SCAI: variants seen among roughly 807,000 people sequenced by gnomAD.
SCAI encodes protein SCAI.
In SCAI, 24 loss-of-function variants were observed where a neutral mutation model predicts 92.2. The ratio of observed to expected loss-of-function variants is 0.26; its 90% confidence interval spans 0.19 to 0.37. SCAI has a LOEUF of 0.37. SCAI is among the 10% of genes least tolerant of loss of function. The pLI is 1.00. For missense variants in SCAI, 450 were observed against 736.2 expected (o/e 0.61, Z 4.50); for synonymous variants, 261 against 258.6 (o/e 1.01, Z -0.09).
chr9:125,139,679 G>A (rs1406238537), intron 2 of SCAI, among the ~76,000 whole-genome samples: 1 of 152,160 alleles, frequency 6.6e-6, no homozygotes, highest in Non-Finnish European at 1.5e-5. Context: ...TAGGCTAAAA[G>A]TCTGAATGAT....
At chr9:125,137,594 A>G (rs1835567766) in intron 2 of SCAI, among the ~76,000 whole-genome samples, 1 of 152,102 alleles carries the variant, frequency 6.6e-6, no homozygotes, top group Non-Finnish European at 1.5e-5. Flanking sequence ...GAGAAGTATA[A>G]GAAGCAATCT....
At chr9:125,107,119 A>G (rs1380378957) in intron 2 of SCAI, among the ~76,000 whole-genome samples, 1 of 152,064 alleles carries the variant, frequency 6.6e-6, no homozygotes, top group Non-Finnish European at 1.5e-5. Context: ...CTAGAAAAAT[A>G]AATACAACAG....
Position 125,029,628 on chromosome 9 carries a change from T to G in SCAI, c.326+16A>C. The G allele has an allele frequency of 1.3e-6, 2 of 1,560,872 alleles. No individual in the cohort carries two copies. The highest frequency in any genetic ancestry group is 1.8e-6 in the Non-Finnish European group (2 of 1,133,180). On this transcript the variant is annotated intron_variant, in intron 4 of 17. Transcript: ENST00000336505. The stretch of plus-strand genomic sequence containing the variant: ...AAACAGGCCTTCACTCTCCTTTAAC[T>G]ATAAAATTCATTTACCGATGCTGCT...
rs780636989 is a variant in SCAI at position 124,999,923 on chromosome 9, G to A, written c.1212C>T (p.His404=). The A allele has an allele frequency of 4.4e-6, 7 of 1,593,708 alleles. No homozygotes were observed. The highest frequency in any genetic ancestry group is 1.1e-5 in the South Asian group (1 of 89,016). The part of the protein sequence containing the change: ...NRDIINGDAI[H]KRNQSHKEMH... ...TTTCCTTGTGGGACTGATTTCGTTT[G>A]TGGATGGCATCTCCATTAATAATAT... The change falls in exon 13 of 18, where the codon CAC becomes CAT. Residue 404 remains histidine, a synonymous_variant. Transcript: ENST00000336505.
At chr9:125,066,380 C>T (rs1833867337) in intron 2 of SCAI, among the ~76,000 whole-genome samples, 1 of 152,170 alleles carries the variant, frequency 6.6e-6, no homozygotes, top group Non-Finnish European at 1.5e-5. Context: ...CCCAAAGCAA[C>T]TTCCAGTCCT....
chr9:125,087,376 C>G (rs930855411), intron 2 of SCAI, among the ~76,000 whole-genome samples: 1 of 152,134 alleles, frequency 6.6e-6, no homozygotes. Context: ...TTGGTCCTTG[C>G]CCTCAAGAAG....
At chr9:124,975,215 CAT>C (rs1158608464) in intron 15 of SCAI, 6 of 371,304 alleles carry the variant, frequency 1.6e-5, no homozygotes, top group Non-Finnish European at 2.7e-5. Context: ...AATATTTCTA[CAT>C]GTTTTTCCCT....
intron 14 of SCAI, among the ~76,000 whole-genome samples, chr9:124,985,543 T>G (rs1831972290): frequency 6.6e-6 from 1 of 152,108 alleles, no homozygotes; most frequent in Admixed American, 6.6e-5. Flanking sequence ...GCAAAGGATG[T>G]CTCAAACAGC....
chr9:125,067,469 G>A (rs773090846), intron 2 of SCAI, among the ~76,000 whole-genome samples: 4 of 152,084 alleles, frequency 2.6e-5, no homozygotes, highest in East Asian at 1.9e-4. Context: ...ACGTGAAGAC[G>A]GAGGCAGAGA....
chr9:124,979,089 G>A (rs1410897054), intron 14 of SCAI, among the ~76,000 whole-genome samples: 2 of 151,768 alleles, frequency 1.3e-5, no homozygotes, highest in Non-Finnish European at 2.9e-5. Context: ...TTGAACTCCT[G>A]ACCTCAAGTG....
intron 14 of SCAI, among the ~76,000 whole-genome samples, chr9:124,988,200 A>G (rs1650939709): frequency 6.6e-6 from 1 of 152,060 alleles, no homozygotes; most frequent in Non-Finnish European, 1.5e-5. Flanking sequence ...ACCTAAAGAT[A>G]CTGGCATTAG....
Position 125,143,494 on chromosome 9 carries a change from G to A in SCAI, c.-57C>T. The A allele has an allele frequency of 7.7e-7, 1 of 1,301,568 alleles. No individual in the cohort carries two copies. Among genetic ancestry groups the A allele is most frequent in the Non-Finnish European group, 9.8e-7 (1 of 1,022,098 alleles). 80.6% of individuals were successfully genotyped at this position (1,301,568 alleles called of 1,614,324 possible). ...GGCGGCCGCAGGGCTCGCTCGGGAA[G>A]CTGAGGCGGCGGAGGCTGGAGTAGG... On this transcript the variant is annotated 5_prime_UTR_variant, in exon 1 of 18. Transcript: ENST00000336505.
intron 7 of SCAI, among the ~76,000 whole-genome samples, chr9:125,020,178 A>G (rs1474387710): frequency 6.6e-6 from 1 of 152,168 alleles, no homozygotes; most frequent in Non-Finnish European, 1.5e-5. Context: ...TTGAATACAG[A>G]ATGCAATCAG....
chr9:124,990,123 A>G (rs10760385), intron 14 of SCAI, among the ~76,000 whole-genome samples: 94,149 of 151,880 alleles, frequency 0.62, 29,499 homozygotes, highest in Admixed American at 0.66. Context: ...ACAGTGAGCC[A>G]AGATCACGCC....
rs561262880 is a variant in SCAI at position 124,985,083 on chromosome 9, G to A, written c.1327-8897C>T. On this transcript the variant is annotated intron_variant, in intron 14 of 17. Transcript: ENST00000336505. ...GGGAATCTAATAGAAAACTCGCCCT[G>A]CATTAAACTGGAATCCTCAGGGCTA... 3.9e-5 allele frequency among the ~76,000 whole-genome samples: 6 copies of A among 152,250 alleles called. No homozygotes were observed. The East Asian group carries it at 1.2e-3, about 29-fold the overall frequency.
intron 2 of SCAI, among the ~76,000 whole-genome samples, chr9:125,106,019 C>T (rs912904432): frequency 7.0e-6 from 1 of 142,678 alleles, no homozygotes; most frequent in Non-Finnish European, 1.5e-5. Context: ...ATCACCTGAA[C>T]CCAGCAAGCG....
In SCAI at chr9:124,950,005, A is replaced by AT. The variant is rs1392538140; in HGVS notation, c.*2801dup. ...CACTATTAGCTTAAGGGGCAACATC[A>AT]TAAGGGTCAATGTTGTGATTTCTAA... On this transcript the variant is annotated 3_prime_UTR_variant, in exon 18 of 18. Coordinates refer to ENST00000336505, the MANE Select transcript of SCAI (RefSeq NM_001144877.3). 6.6e-6 allele frequency: 1 copy of AT among 152,192 alleles called. No homozygotes were observed. Among genetic ancestry groups the AT allele is most frequent in the Non-Finnish European group, 1.5e-5 (1 of 68,040 alleles). 9.4% of individuals were successfully genotyped at this position (152,192 alleles called of 1,614,324 possible). A position where few individuals can be genotyped will look rare whatever the true frequency, so the allele number is the denominator to read the frequency against.
At chr9:124,999,572 G>A (rs958750674) in intron 13 of SCAI, among the ~76,000 whole-genome samples, 11 of 152,084 alleles carry the variant, frequency 7.2e-5, no homozygotes, top group Non-Finnish European at 1.3e-4. Flanking sequence ...CATGTATAAT[G>A]TCCTGACATA....
At chr9:125,040,616 C>T (rs1833300353) in intron 3 of SCAI, among the ~76,000 whole-genome samples, 2 of 150,506 alleles carry the variant, frequency 1.3e-5, no homozygotes, top group Non-Finnish European at 3.0e-5. Flanking sequence ...CTACTTTTTC[C>T]CTGTTTTGTT....
Sources: allele counts gnomAD v4.1 joint callset (sites outside exome capture counted in the v4.1 genomes callset), GRCh38; gene constraint gnomAD v4.1.1; transcripts MANE v1.5; gene names NCBI Gene and HGNC (gene_info 2026-07-23, HGNC 2026-07-21).